Variants in CDH12 observed in about 807,000 individuals in gnomAD.
CDH12 encodes cadherin 12.
Under a neutral mutation model 74.1 loss-of-function variants are expected in CDH12, and 41 were observed. The ratio of observed to expected loss-of-function variants is 0.55; its 90% CI spans 0.43 to 0.72. The LOEUF is 0.72. Ranked by LOEUF, CDH12 falls within the 30% of genes least tolerant of loss-of-function variation. The pLI is 0.00. For missense variants in CDH12, 945 were observed against 977.2 expected (o/e 0.97, Z 0.44); for synonymous variants, 399 against 355.0 (o/e 1.12, Z -1.39).
At chr5:22,445,811 T>C (rs1744795427) in intron 2 of CDH12, among the ~76,000 whole-genome samples, 1 of 152,124 alleles carries the variant, frequency 6.6e-6, no homozygotes, top group African/African-American at 2.4e-5. Flanking sequence ...TCTGTGTTAC[T>C]TCTTCAGAGC....
At chr5:21,778,466 C>A (rs1482353340) in intron 11 of CDH12, among the ~76,000 whole-genome samples, 6 of 52,612 alleles carry the variant, frequency 1.1e-4, no homozygotes, top group Non-Finnish European at 1.9e-4. Flanking sequence ...GCATATAAGC[C>A]AAAAAAAAAA....
chr5:22,280,036 C>A (rs933651712), intron 3 of CDH12, among the ~76,000 whole-genome samples: 11 of 152,140 alleles, frequency 7.2e-5, no homozygotes, highest in African/African-American at 2.4e-4. Context: ...TCTCCAGCAC[C>A]TGTTGTTTCC....
At chr5:22,487,065 T>C (rs1391932432) in intron 2 of CDH12, among the ~76,000 whole-genome samples, 1 of 150,574 alleles carries the variant, frequency 6.6e-6, no homozygotes, top group Non-Finnish European at 1.5e-5. Flanking sequence ...GTGTGTGGCA[T>C]GATCTCAGCT....
At chr5:22,733,148 T>C (rs1340694985) in intron 1 of CDH12, among the ~76,000 whole-genome samples, 2 of 151,832 alleles carry the variant, frequency 1.3e-5, no homozygotes, top group African/African-American at 4.8e-5. Flanking sequence ...TAAATGAACT[T>C]TCAAATTAAG....
At chr5:22,361,734 A>G (rs1740809356) in intron 3 of CDH12, among the ~76,000 whole-genome samples, 1 of 152,156 alleles carries the variant, frequency 6.6e-6, no homozygotes, top group Non-Finnish European at 1.5e-5. Flanking sequence ...AAACAGAGAT[A>G]TAGACCAATG....
intron 5 of CDH12, among the ~76,000 whole-genome samples, chr5:21,981,125 C>T (rs1446083722): frequency 6.6e-6 from 1 of 151,948 alleles, no homozygotes; most frequent in Non-Finnish European, 1.5e-5. Flanking sequence ...ATTATAAATT[C>T]GAATAATATT....
chr5:22,848,616 T>C (rs1167776158), intron 1 of CDH12, among the ~76,000 whole-genome samples: 1 of 152,190 alleles, frequency 6.6e-6, no homozygotes, highest in Non-Finnish European at 1.5e-5. Flanking sequence ...TTTTCCTTCT[T>C]GAAGCACATT....
At chr5:22,274,392 T>A (rs1361928806) in intron 3 of CDH12, among the ~76,000 whole-genome samples, 1 of 152,196 alleles carries the variant, frequency 6.6e-6, no homozygotes. Flanking sequence ...ATATCCTCTT[T>A]TATTGTTTAG....
intron 3 of CDH12, among the ~76,000 whole-genome samples, chr5:22,285,797 G>T (rs1174011153): frequency 1.3e-5 from 2 of 151,910 alleles, no homozygotes; most frequent in Non-Finnish European, 2.9e-5. Context: ...TTAAAAAATG[G>T]TTAGTTCCTT....
chr5:21,836,230 AATG>A (rs1749525757), intron 8 of CDH12, among the ~76,000 whole-genome samples: 1 of 151,748 alleles, frequency 6.6e-6, no homozygotes. Context: ...TTATTGTGTA[AATG>A]ATGTTTTACT....
intron 5 of CDH12, among the ~76,000 whole-genome samples, chr5:22,028,337 G>A (rs1162031388): frequency 6.6e-6 from 1 of 152,078 alleles, no homozygotes; most frequent in South Asian, 2.1e-4. Flanking sequence ...GTTTGCAGAT[G>A]ACATGATTGT....
In CDH12 at chr5:22,124,770, T is replaced by C. The variant is rs558186828; in HGVS notation, c.-186-45908A>G. On this transcript the variant is annotated intron_variant, in intron 4 of 14. Transcript: ENST00000382254. ...GAGGATCTTTGAATGTATGGAGGCA[T>C]TTTTTATTTTTTCCTCCTTATCACT... Among the ~76,000 whole-genome samples, 9 of 152,352 alleles carry C rather than the reference T, an allele frequency of 5.9e-5. No homozygotes were observed. The East Asian group carries it at 1.7e-3, about 29-fold the overall frequency.
At chr5:22,513,951 G>GAAA (rs34448733) in intron 1 of CDH12, among the ~76,000 whole-genome samples, 1,015 of 100,488 alleles carry the variant, frequency 0.01, 9 homozygotes, top group African/African-American at 0.039. Flanking sequence ...TCCGTGTCAG[G>GAAA]AAAAAAAAAA....
intron 6 of CDH12, among the ~76,000 whole-genome samples, chr5:21,896,355 A>C (rs945445204): frequency 6.6e-6 from 1 of 152,250 alleles, no homozygotes; most frequent in African/African-American, 2.4e-5. Flanking sequence ...GGACAATTAA[A>C]AAGTGTCAAA....
intron 3 of CDH12, among the ~76,000 whole-genome samples, chr5:22,228,726 A>G (rs1368109956): frequency 6.6e-6 from 1 of 152,110 alleles, no homozygotes; most frequent in African/African-American, 2.4e-5. Flanking sequence ...GCCCTGGAAA[A>G]GCATAAATCC....
chr5:22,772,671 G>A (rs1242762354), intron 1 of CDH12, among the ~76,000 whole-genome samples: 1 of 152,020 alleles, frequency 6.6e-6, no homozygotes, highest in Non-Finnish European at 1.5e-5. Flanking sequence ...AAATGTAAAA[G>A]TATATGAGAG....
In CDH12 at chr5:22,399,190, G is replaced by GTATCTATC. The variant is rs3039455; in HGVS notation, c.-333+6059_-333+6066dup. On this transcript the variant is annotated intron_variant, in intron 3 of 14. Coordinates refer to ENST00000382254, the MANE Select transcript of CDH12 (RefSeq NM_004061.5). ...TTTATCTTACTATATAATCTACCCA[G>GTATCTATC]TATCTATCTATCTATCTATCTATCT... Among the ~76,000 whole-genome samples the GTATCTATC allele has an allele frequency of 9.5e-3, 1,413 of 148,162 alleles. 10 individuals are homozygous for GTATCTATC. The highest frequency in any genetic ancestry group is 0.01 in the Admixed American group (149 of 14,692).
chr5:22,397,663 A>C (rs1349797311), intron 3 of CDH12, among the ~76,000 whole-genome samples: 1 of 152,182 alleles, frequency 6.6e-6, no homozygotes, highest in Non-Finnish European at 1.5e-5. Context: ...TAGTAGAATA[A>C]GAAGCAGTTA....
At chr5:22,651,666 A>G (rs1320744282) in intron 1 of CDH12, among the ~76,000 whole-genome samples, 1 of 151,598 alleles carries the variant, frequency 6.6e-6, no homozygotes, top group Non-Finnish European at 1.5e-5. Flanking sequence ...ACAAAGCCTA[A>G]CCATATCAGC....
Sources: gnomAD v4.1 joint callset for allele counts (sites outside exome capture counted in the v4.1 genomes callset) on GRCh38, gnomAD v4.1.1 for gene constraint, MANE v1.5 for transcripts, NCBI Gene and HGNC (gene_info 2026-07-23, HGNC 2026-07-21) for gene names.